DYNC2H1: variants seen among roughly 807,000 people sequenced by gnomAD.
DYNC2H1 encodes cytoplasmic dynein 2 heavy chain 1.
A neutral mutation model predicts 570.0 loss-of-function variants in DYNC2H1; 410 were observed. That is an observed-to-expected ratio of 0.72 (90% CI 0.66 to 0.78). The LOEUF (loss-of-function observed/expected upper bound fraction) is 0.78, where lower values mean the gene tolerates loss of function less well. Ranked by LOEUF, DYNC2H1 falls within the 30% of genes least tolerant of loss-of-function variation. The pLI, the probability that DYNC2H1 is intolerant of heterozygous loss-of-function variation, is 0.00. For synonymous variants in DYNC2H1, 1,688 were observed against 1,677.6 expected, an observed-to-expected ratio of 1.01 and a Z score of -0.15; for missense variants, 4,865 against 5,046.4, an observed-to-expected ratio of 0.96 and a Z score of 1.09.
intron 84 of DYNC2H1, among the ~76,000 whole-genome samples, chr11:103,401,738 G>A (rs759929735): frequency 6.6e-6 from 1 of 152,016 alleles, no homozygotes; most frequent in Admixed American, 6.6e-5. Context: ...TAAAGTGCTT[G>A]GCACATAGCA....
At position 103,158,625 on chromosome 11, in the gene DYNC2H1, AC is replaced by A. The variant is rs901523216; in HGVS notation, c.4128-45del. 82 of 1,439,984 alleles carry A rather than the reference AC, an allele frequency of 5.7e-5. No individual in the cohort carries two copies. The African/African-American group carries it at 9.7e-4, about 17-fold the overall frequency. The allele number at this position is 1,439,984 out of a possible 1,614,324, so 89.2% of individuals were successfully genotyped here. ...AAAAAAGTCTTAATCTGTTTTTCTT[AC>A]CCCCCCAAATTGTTAAAGTAGATGT... On this transcript the variant is annotated intron_variant, in intron 26 of 88. Coordinates refer to ENST00000375735, the MANE Select transcript of DYNC2H1 (RefSeq NM_001377.3).
intron 85 of DYNC2H1, among the ~76,000 whole-genome samples, chr11:103,452,662 A>T (rs897001721): frequency 5.9e-5 from 9 of 152,096 alleles, no homozygotes; most frequent in African/African-American, 1.7e-4. Flanking sequence ...ATTCTAGGAT[A>T]GCCTTTTACC....
At position 103,207,073 on chromosome 11, in the gene DYNC2H1, C is replaced by A. The variant is rs1023339096; in HGVS notation, c.8454+2109C>A. On this transcript the variant is annotated intron_variant, in intron 52 of 88. Coordinates refer to ENST00000375735, the MANE Select transcript of DYNC2H1 (RefSeq NM_001377.3). Reference sequence around the variant, plus strand: ...AGTAGCTGAGATTACAGGTGCCTGCCACCATACCTGGCTAATTTTTGTATT... The same window carrying A: ...AGTAGCTGAGATTACAGGTGCCTGCAACCATACCTGGCTAATTTTTGTATT... Among the ~76,000 whole-genome samples, 24 of 152,144 alleles carry A rather than the reference C, an allele frequency of 1.6e-4. No homozygotes were observed. In the Middle Eastern group the frequency reaches 0.017, roughly 108 times the overall value.
intron 79 of DYNC2H1, 68 bp downstream of exon 79, chr11:103,312,101 C>T (rs138774736): frequency 6.6e-7 from 1 of 1,514,538 alleles, no homozygotes; most frequent in Non-Finnish European, 8.9e-7. Context: ...ATTTTTGTGG[C>T]CAGGCATGGT....
intron 70 of DYNC2H1, among the ~76,000 whole-genome samples, chr11:103,266,122 C>G (rs1380882266): frequency 6.6e-6 from 1 of 152,176 alleles, no homozygotes; most frequent in Non-Finnish European, 1.5e-5. Context: ...GGTCACTACA[C>G]TGCGATAGGT....
chr11:103,264,048 A>C lies in DYNC2H1; in HGVS notation c.10695+4071A>C, dbSNP rs1178813369. 1.3e-5 allele frequency among the ~76,000 whole-genome samples: 2 copies of C among 152,210 alleles called. No individual in the cohort carries two copies. The highest frequency in any genetic ancestry group is 4.8e-5 in the African/African-American group (2 of 41,456). On this transcript the variant is annotated intron_variant, in intron 70 of 88. Transcript: ENST00000375735. This position sits in a 1 kb window ranked among gnomAD's most constrained non-coding sequence, Gnocchi z 4.8. ...ATCACCACCGATCCCACAGAAATAC[A>C]AACTACCATCAGAGAATACTATAAA...
intron 87 of DYNC2H1, among the ~76,000 whole-genome samples, chr11:103,463,915 T>C (rs313862): frequency 0.6 from 91,416 of 151,986 alleles, 28,888 homozygotes; most frequent in East Asian, 0.8. Context: ...ATCCCAACAT[T>C]GCCAGAACAG....
chr11:103,370,445 T>C (rs985725278), intron 83 of DYNC2H1, among the ~76,000 whole-genome samples: 38 of 152,192 alleles, frequency 2.5e-4, no homozygotes, highest in Non-Finnish European at 4.6e-4. Context: ...TGCCACCTGC[T>C]GATTGTAAAA....
chr11:103,156,751 A>G lies in DYNC2H1; in HGVS notation c.4108A>G (p.Arg1370Gly). 6 of 1,609,582 alleles carry G rather than the reference A, an allele frequency of 3.7e-6. No individual in the cohort carries two copies. The highest frequency in any genetic ancestry group is 5.1e-6 in the Non-Finnish European group (6 of 1,178,914). ...GCCAAAAGAACAGACACGCTTCAAC[A>G]GAGTTGATGAAGATTTTAGGTCAGT... ...ALPKEQTRFN[R>G]VDEDFRSIMT... The change falls in exon 26 of 89, where the codon AGA becomes GGA. Residue 1370 changes from arginine (R) to glycine (G), a missense_variant. This residue lies in a region of DYNC2H1 where 1,936 missense variants were observed against 1,962.1 expected (regional missense o/e 0.99). Coordinates refer to ENST00000375735, the MANE Select transcript of DYNC2H1 (RefSeq NM_001377.3).
chr11:103,371,010 C>A (rs1404509105), intron 83 of DYNC2H1, among the ~76,000 whole-genome samples: 8 of 152,018 alleles, frequency 5.3e-5, no homozygotes, highest in African/African-American at 1.9e-4. Context: ...AAATATGGGA[C>A]CTTTCAGACA....
At position 103,205,264 on chromosome 11, in the gene DYNC2H1, AAGT is replaced by A. The variant is rs1326343207; in HGVS notation, c.8454+302_8454+304del. On this transcript the variant is annotated intron_variant, in intron 52 of 88. Transcript: ENST00000375735. The surrounding 1 kb of genome is among the most constrained non-coding windows in gnomAD (Gnocchi z 4.5). ...TCCTAGATTTTTAAAAAATCATAGC[AAGT>A]ATTTAACAATTAAAGAATTTTTAAA... 6.6e-6 allele frequency among the ~76,000 whole-genome samples: 1 copy of A among 152,168 alleles called. No homozygotes were observed. Among genetic ancestry groups the A allele is most frequent in the Non-Finnish European group, 1.5e-5 (1 of 68,022 alleles).
rs143599938 is a variant in DYNC2H1 at position 103,213,306 on chromosome 11, C to A, written c.8694+1363C>A. ...TGACTCTTGAGTCCTTTTTCCCAATCAGTGAGACTAAAATTAGAAAAGGTT... is the reference window on the plus strand; with the variant it reads ...TGACTCTTGAGTCCTTTTTCCCAATAAGTGAGACTAAAATTAGAAAAGGTT... On this transcript the variant is annotated intron_variant, in intron 54 of 88. Coordinates refer to ENST00000375735, the MANE Select transcript of DYNC2H1 (RefSeq NM_001377.3). Among the ~76,000 whole-genome samples, 74 of 152,240 alleles carry A rather than the reference C, an allele frequency of 4.9e-4. 2 individuals carry two copies. In the East Asian group the frequency reaches 0.014, roughly 29 times the overall value.
At position 103,465,706 on chromosome 11, in the gene DYNC2H1, C is replaced by T. The variant is rs563621563; in HGVS notation, c.12649-2883C>T. 6.6e-6 allele frequency among the ~76,000 whole-genome samples: 1 copy of T among 152,114 alleles called. No individual in the cohort carries two copies. Among genetic ancestry groups the T allele is most frequent in the Non-Finnish European group, 1.5e-5 (1 of 67,982 alleles). On this transcript the variant is annotated intron_variant, in intron 87 of 88. Transcript: ENST00000375735. This position sits in a 1 kb window ranked among gnomAD's most constrained non-coding sequence, Gnocchi z 4.9. ...TAGCTCAGTCCTTCACATGCCCTCTCATACTGTAGGTACCTCATACTGAGG... is the reference window on the plus strand; with the variant it reads ...TAGCTCAGTCCTTCACATGCCCTCTTATACTGTAGGTACCTCATACTGAGG...
intron 77 of DYNC2H1, among the ~76,000 whole-genome samples, chr11:103,306,884 C>G (rs887189284): frequency 1.3e-5 from 2 of 152,076 alleles, no homozygotes; most frequent in Non-Finnish European, 2.9e-5. Context: ...TTTGTACCTG[C>G]TCTCTGGGAA....
chr11:103,464,912 AAATTT>A (rs1470901594), intron 87 of DYNC2H1, among the ~76,000 whole-genome samples: 3 of 152,234 alleles, frequency 2.0e-5, no homozygotes, highest in Admixed American at 6.5e-5. Flanking sequence ...AATTTAACTT[AAATTT>A]AAGTAGCTTA....
intron 13 of DYNC2H1, among the ~76,000 whole-genome samples, chr11:103,130,604 A>G (rs2134756265): frequency 6.6e-6 from 1 of 151,564 alleles, no homozygotes; most frequent in East Asian, 1.9e-4. Flanking sequence ...ACATCCTTTC[A>G]AATATTTTTC....
Position 103,181,558 on chromosome 11 carries a change from A to G in DYNC2H1, c.6348-199A>G, listed in dbSNP as rs1253469579. 2.6e-5 allele frequency among the ~76,000 whole-genome samples: 4 copies of G among 151,690 alleles called. No individual in the cohort carries two copies. The highest frequency in any genetic ancestry group is 4.4e-5 in the Non-Finnish European group (3 of 67,714). On this transcript the variant is annotated intron_variant, in intron 39 of 88. Coordinates refer to ENST00000375735, the MANE Select transcript of DYNC2H1 (RefSeq NM_001377.3). This position sits in a 1 kb window ranked among gnomAD's most constrained non-coding sequence, Gnocchi z 5.0. ...TACCTATATGCATGTGTGTTTGTATATATTATGTGTATGTATACACACACA... is the reference window on the plus strand; with the variant it reads ...TACCTATATGCATGTGTGTTTGTATGTATTATGTGTATGTATACACACACA...
intron 17 of DYNC2H1, among the ~76,000 whole-genome samples, 199 bp from the exon 18 acceptor site, chr11:103,143,069 A>T (rs1301364552): frequency 6.6e-6 from 1 of 152,240 alleles, no homozygotes; most frequent in Non-Finnish European, 1.5e-5. Flanking sequence ...AAAGTTTATG[A>T]TCACTGCATT....
chr11:103,166,862 C>G (rs1861328291), intron 31 of DYNC2H1, among the ~76,000 whole-genome samples: 1 of 151,912 alleles, frequency 6.6e-6, no homozygotes. Flanking sequence ...TCACCAAAAT[C>G]TGGGAAGCTT....
Sources: allele counts gnomAD v4.1 joint callset (sites outside exome capture counted in the v4.1 genomes callset), GRCh38; gene constraint gnomAD v4.1.1; regional missense constraint gnomAD v4.1.1; non-coding constraint Gnocchi (gnomAD v3.1); transcripts MANE v1.5; gene names NCBI Gene and HGNC (gene_info 2026-07-23, HGNC 2026-07-21).